EPHA2: variants seen among roughly 807,000 people sequenced by gnomAD.
EPHA2 encodes EPH receptor A2.
In EPHA2, 54 loss-of-function variants were observed where a neutral mutation model predicts 104.9. That is an observed-to-expected ratio of 0.51 (90% CI 0.41 to 0.65). EPHA2 has a LOEUF of 0.65. Ranked by LOEUF, EPHA2 falls within the 30% of genes least tolerant of loss-of-function variation. The pLI, the probability that EPHA2 is intolerant of heterozygous loss-of-function variation, is 0.00. For missense variants in EPHA2, 1,117 were observed against 1,369.5 expected, an observed-to-expected ratio of 0.82 and a Z score of 2.91; for synonymous variants, 560 against 559.1, an observed-to-expected ratio of 1.00 and a Z score of -0.02.
chr1:16,150,766 G>A lies in EPHA2; in HGVS notation c.153+130C>T, dbSNP rs1342857637. 1 of 1,058,566 alleles carries A rather than the reference G, an allele frequency of 9.4e-7. No homozygotes were observed. The highest frequency in any genetic ancestry group is 1.4e-6 in the Non-Finnish European group (1 of 696,964). 65.6% of individuals were successfully genotyped at this position (1,058,566 alleles called of 1,614,324 possible). On this transcript the variant is annotated intron_variant, in intron 2 of 16. Transcript: ENST00000358432. The surrounding 1 kb of genome is among the most constrained non-coding windows in gnomAD (Gnocchi z 4.8). Reference sequence around the variant, plus strand: ...AGCCTGGTGTGAGAAGCTGGACCCTGAGCCTGAGACCTGGCTGAGCTGCTG... The same window carrying A: ...AGCCTGGTGTGAGAAGCTGGACCCTAAGCCTGAGACCTGGCTGAGCTGCTG...
At chr1:16,138,663 T>A (rs1312353095) in intron 3 of EPHA2, among the ~76,000 whole-genome samples, 1 of 152,212 alleles carries the variant, frequency 6.6e-6, no homozygotes, top group Non-Finnish European at 1.5e-5. Context: ...AACCTTTGCT[T>A]CACTCCCCAC....
At position 16,125,371 on chromosome 1, in the gene EPHA2, G is replaced by A; in HGVS notation, c.2826-51C>T. 1 of 1,153,988 alleles carries A rather than the reference G, an allele frequency of 8.7e-7. No individual in the cohort carries two copies. The highest frequency in any genetic ancestry group is 1.3e-6 in the Non-Finnish European group (1 of 796,084). 71.5% of individuals were successfully genotyped at this position (1,153,988 alleles called of 1,614,324 possible). A position where few individuals can be genotyped will look rare whatever the true frequency, so the allele number is the denominator to read the frequency against. On this transcript the variant is annotated intron_variant, in intron 16 of 16. Coordinates refer to ENST00000358432, the MANE Select transcript of EPHA2 (RefSeq NM_004431.5). The surrounding 1 kb of genome is among the most constrained non-coding windows in gnomAD (Gnocchi z 4.9). Reference sequence around the variant, plus strand: ...GAGTTAGGGGCTGGAGCAGGGGAGGGGGCCGGGCTGGGTGGGGACAGGACT... The same window carrying A: ...GAGTTAGGGGCTGGAGCAGGGGAGGAGGCCGGGCTGGGTGGGGACAGGACT...
At position 16,155,968 on chromosome 1, in the gene EPHA2, C is replaced by T; in HGVS notation, c.-36G>A. The stretch of plus-strand genomic sequence containing the variant: ...TCGCTCTCGGTCCGATCCCCCCGAG[C>T]CCGGCTCCCGCACACCCGCACGCCT... On this transcript the variant is annotated 5_prime_UTR_variant, in exon 1 of 17. Transcript: ENST00000358432. The T allele has an allele frequency of 6.8e-7, 1 of 1,466,218 alleles. No individual in the cohort carries two copies. Among genetic ancestry groups the T allele is most frequent in the Non-Finnish European group, 9.0e-7 (1 of 1,113,660 alleles). The allele number at this position is 1,466,218 out of a possible 1,614,324, so 90.8% of individuals were successfully genotyped here.
In EPHA2 at chr1:16,134,567, G is replaced by A. The variant is rs1380993138; in HGVS notation, c.1583C>T (p.Ser528Phe). 1 of 1,613,862 alleles carries A rather than the reference G, an allele frequency of 6.2e-7. No homozygotes were observed. The highest frequency in any genetic ancestry group is 8.5e-7 in the Non-Finnish European group (1 of 1,179,956). ...GSKVHEFQTL[S>F]PEGSGNLAVI... ...CGCCAAGTTGCCAGATCCCTCCGGG[G>A]CTGGTGGAAGAAATCAGCTGATGAC... Residue 528 changes from serine to phenylalanine, a missense_variant and splice_region_variant, in exon 8 of 17, where the codon TCC becomes TTC. This residue lies in a region of EPHA2 where 664 missense variants were observed against 784.8 expected (regional missense o/e 0.85). Transcript: ENST00000358432. This position sits in a 1 kb window ranked among gnomAD's most constrained non-coding sequence, Gnocchi z 4.5.
rs1426867894 is a variant in EPHA2 at position 16,131,916 on chromosome 1, C to T, written c.2326-46G>A. 6.2e-7 allele frequency: 1 copy of T among 1,606,660 alleles called. No homozygotes were observed. Among genetic ancestry groups the T allele is most frequent in the East Asian group, 2.2e-5 (1 of 44,534 alleles). On this transcript the variant is annotated intron_variant, in intron 13 of 16. Transcript: ENST00000358432. This position sits in a 1 kb window ranked among gnomAD's most constrained non-coding sequence, Gnocchi z 5.2. ...GTCACCACTGTGCCCTCTGGCTGGC[C>T]CCAGGACCATTGCAGCCAAGCCCCA...
At chr1:16,136,303 A>AAATAATAATAATAATAAT (rs35523202) in intron 5 of EPHA2, among the ~76,000 whole-genome samples, 119 of 140,986 alleles carry the variant, frequency 8.4e-4, no homozygotes, top group Middle Eastern at 3.6e-3. Flanking sequence ...ACGAGTGCAT[A>AAATAATAATAATAATAAT]AATAATAATA....
At chr1:16,154,713 G>A (rs1423090028) in intron 1 of EPHA2, among the ~76,000 whole-genome samples, 2 of 123,776 alleles carry the variant, frequency 1.6e-5, no homozygotes, top group Non-Finnish European at 3.2e-5. Context: ...CCGAGATTGC[G>A]CCATTGCACT....
Position 16,128,568 on chromosome 1 carries a change from T to C in EPHA2, c.2825+866A>G, listed in dbSNP as rs536269833. Among the ~76,000 whole-genome samples the C allele has an allele frequency of 4.5e-4, 68 of 152,334 alleles. No homozygotes were observed. Among genetic ancestry groups the C allele is most frequent in the Non-Finnish European group, 6.6e-4 (45 of 68,024 alleles). On this transcript the variant is annotated intron_variant, in intron 16 of 16. Transcript: ENST00000358432. The surrounding 1 kb of genome is among the most constrained non-coding windows in gnomAD (Gnocchi z 4.7). ...TCCCGGTCTGTTCCCGCCATGATCT[T>C]TGACCATGCACAAGCTGGGTTGTTG... is the stretch of plus-strand genomic sequence containing the variant.
intron 2 of EPHA2, among the ~76,000 whole-genome samples, chr1:16,149,465 G>T (rs2024997366): frequency 1.3e-5 from 2 of 152,248 alleles, no homozygotes; most frequent in Non-Finnish European, 2.9e-5. Context: ...CATACGGGCA[G>T]CCAGTATGAT....
chr1:16,138,633 T>C (rs568504179), intron 3 of EPHA2, among the ~76,000 whole-genome samples: 1 of 152,292 alleles, frequency 6.6e-6, no homozygotes, highest in South Asian at 2.1e-4. Flanking sequence ...ACCCAGGAAG[T>C]GCTTCACACA....
Position 16,124,831 on chromosome 1 carries a change from G to A in EPHA2, c.*384C>T. 4.0e-6 allele frequency: 1 copy of A among 249,326 alleles called. No homozygotes were observed. Among genetic ancestry groups the A allele is most frequent in the East Asian group, 8.8e-5 (1 of 11,370 alleles). 15.4% of individuals were successfully genotyped at this position (249,326 alleles called of 1,614,324 possible). On this transcript the variant is annotated 3_prime_UTR_variant, in exon 17 of 17. Coordinates refer to ENST00000358432, the MANE Select transcript of EPHA2 (RefSeq NM_004431.5). Reference sequence around the variant, plus strand: ...GAGGAAATGGGGCTTGAGGTACCCTGTTTACTTGGCGCTGGGCCAAGCCCT... The same window carrying A: ...GAGGAAATGGGGCTTGAGGTACCCTATTTACTTGGCGCTGGGCCAAGCCCT...
intron 15 of EPHA2, 50 bp from the exon 16 acceptor site, chr1:16,129,639 T>C (rs2024537838): frequency 6.4e-7 from 1 of 1,571,870 alleles, no homozygotes; most frequent in Non-Finnish European, 8.6e-7. Flanking sequence ...CAGTCCACCC[T>C]GGGCCCTGCA....
Position 16,150,807 on chromosome 1 carries a change from C to T in EPHA2, c.153+89G>A. 3.5e-6 allele frequency: 5 copies of T among 1,446,090 alleles called. No individual in the cohort carries two copies. In the South Asian group the frequency reaches 5.7e-5, roughly 17 times the overall value. 89.6% of individuals were successfully genotyped at this position (1,446,090 alleles called of 1,614,324 possible). A position where few individuals can be genotyped will look rare whatever the true frequency, so the allele number is the denominator to read the frequency against. On this transcript the variant is annotated intron_variant, in intron 2 of 16. Coordinates refer to ENST00000358432, the MANE Select transcript of EPHA2 (RefSeq NM_004431.5). This position sits in a 1 kb window ranked among gnomAD's most constrained non-coding sequence, Gnocchi z 4.8. ...TGAGCTGCTGAATTGAAGCCAGGCC[C>T]CACGCTCCCTGGGCCTCAGTTTCTC... is the stretch of plus-strand genomic sequence containing the variant.
rs2124260135 is a variant in EPHA2 at position 16,148,409 on chromosome 1, T to C, written c.792A>G (p.Ala264=). The C allele has an allele frequency of 6.2e-7, 1 of 1,613,700 alleles. No homozygotes were observed. Among genetic ancestry groups the C allele is most frequent in the Non-Finnish European group, 8.5e-7 (1 of 1,180,040 alleles). ...AGGCATCCTCCACCTTCTCGTAGCC[T>C]GCCTGGCACAGGCACTGCCCAATGG... is the stretch of plus-strand genomic sequence containing the variant. ...LVPIGQCLCQ[A]GYEKVEDACQ... The change falls in exon 3 of 17, where the codon GCA becomes GCG. Residue 264 remains alanine (A), a synonymous_variant. Coordinates refer to ENST00000358432, the MANE Select transcript of EPHA2 (RefSeq NM_004431.5). This position sits in a 1 kb window ranked among gnomAD's most constrained non-coding sequence, Gnocchi z 4.9.
intron 11 of EPHA2, 98 bp from the exon 12 acceptor site, chr1:16,132,537 G>T: frequency 7.4e-7 from 1 of 1,347,996 alleles, no homozygotes; most frequent in Non-Finnish European, 1.1e-6. Flanking sequence ...TGTAGGAGAG[G>T]TGGGCACAGG....
At chr1:16,141,608 G>T (rs867749392) in intron 3 of EPHA2, among the ~76,000 whole-genome samples, 1 of 152,218 alleles carries the variant, frequency 6.6e-6, no homozygotes, top group Non-Finnish European at 1.5e-5. Flanking sequence ...GCCAGGCAGG[G>T]GCCATAAACC....
In EPHA2 at chr1:16,150,943, C is replaced by T. The variant is rs777236486; in HGVS notation, c.106G>A (p.Ala36Thr). Reference protein sequence around the residue: ...GKEVVLLDFAAAGGELGWLTH... With the variant: ...GKEVVLLDFATAGGELGWLTH... ...AGCCAGCCGAGCTCCCCTCCAGCTG[C>T]AGCAAAGTCCAGCAGTACCACTGAA... The change falls in exon 2 of 17, where the codon GCA becomes ACA. Residue 36 changes from alanine (A) to threonine (T), a missense_variant. This residue lies in a region of EPHA2 where 664 missense variants were observed against 784.8 expected (regional missense o/e 0.85). Transcript: ENST00000358432. This position sits in a 1 kb window ranked among gnomAD's most constrained non-coding sequence, Gnocchi z 4.8. 6.8e-6 allele frequency: 11 copies of T among 1,613,998 alleles called. No individual in the cohort carries two copies.
intron 2 of EPHA2, among the ~76,000 whole-genome samples, chr1:16,149,835 T>C (rs543600572): frequency 1.3e-4 from 20 of 152,324 alleles, no homozygotes; most frequent in African/African-American, 4.8e-4. Context: ...CTAATTCACC[T>C]GTGTCCTGTG....
chr1:16,130,481 C>T lies in EPHA2; in HGVS notation c.2476-62G>A, dbSNP rs2024552837. 4 of 1,484,154 alleles carry T rather than the reference C, an allele frequency of 2.7e-6. No homozygotes were observed. The highest frequency in any genetic ancestry group is 3.6e-6 in the Non-Finnish European group (4 of 1,109,386). 91.9% of individuals were successfully genotyped at this position (1,484,154 alleles called of 1,614,324 possible). The stretch of plus-strand genomic sequence containing the variant: ...AAGCCACTGAAACCCTCTGCAGCCT[C>T]CAGCCTATGGAGGTGGGCAGGGGAG... On this transcript the variant is annotated intron_variant, in intron 14 of 16. Coordinates refer to ENST00000358432, the MANE Select transcript of EPHA2 (RefSeq NM_004431.5). This position sits in a 1 kb window ranked among gnomAD's most constrained non-coding sequence, Gnocchi z 4.5.
Sources: allele counts gnomAD v4.1 joint callset (sites outside exome capture counted in the v4.1 genomes callset), GRCh38; gene constraint gnomAD v4.1.1; regional missense constraint gnomAD v4.1.1; non-coding constraint Gnocchi (gnomAD v3.1); transcripts MANE v1.5; gene names NCBI Gene and HGNC (gene_info 2026-07-23, HGNC 2026-07-21).